The following ZFHX3 variants were observed in gnomAD, a reference collection of about 807,000 sequenced individuals.
ZFHX3 encodes the protein zinc finger homeobox protein 3.
A neutral mutation model predicts 279.1 loss-of-function variants in ZFHX3; 42 were observed. The observed-to-expected ratio is 0.15, with a 90% CI of 0.12 to 0.19. The LOEUF (loss-of-function observed/expected upper bound fraction) is 0.19, where lower values mean the gene tolerates loss of function less well. Among genes scored for constraint, ZFHX3 ranks in the 10% least tolerant of loss-of-function variants. The pLI, the probability that ZFHX3 is intolerant of heterozygous loss-of-function variation, is 1.00. For missense variants in ZFHX3, 4,981 were observed against 4,754.0 expected (o/e 1.05, Z -1.40); for synonymous variants, 2,293 against 1,957.8 (o/e 1.17, Z -4.52).
chr16:73,175,586 G>A (rs561669360), intron 5 of ZFHX3, among the ~76,000 whole-genome samples: 11 of 152,170 alleles, frequency 7.2e-5, no homozygotes, highest in Non-Finnish European at 1.3e-4. Context: ...CTAGACCAGG[G>A]TCTGGCCATG....
intron 2 of ZFHX3, among the ~76,000 whole-genome samples, chr16:72,956,838 A>G (rs1353018081): frequency 6.6e-6 from 1 of 151,890 alleles, no homozygotes; most frequent in Non-Finnish European, 1.5e-5. Flanking sequence ...AAGCAAAAAA[A>G]AAAACATCTC....
intron 1 of ZFHX3, among the ~76,000 whole-genome samples, chr16:73,878,450 CACA>C (rs771674058): frequency 1.3e-5 from 2 of 152,210 alleles, no homozygotes; most frequent in East Asian, 1.9e-4. Context: ...GCCTTCTCTT[CACA>C]ACGACACTAA....
chr16:72,950,598 G>A lies in ZFHX3; in HGVS notation c.3087C>T (p.Leu1029=), dbSNP rs549383633. The change falls in exon 3 of 10, where the codon CTC becomes CTT. Residue 1029 remains leucine (L), a synonymous_variant. Transcript: ENST00000268489. The part of the protein sequence containing the change: ...KEGGKANEWR[L]KCVAIGNPVH... ...CGGGGTTGCCGATGGCCACACACTTGAGCCTCCACTCGTTGGCCTTGCCGC... is the reference window on the plus strand; with the variant it reads ...CGGGGTTGCCGATGGCCACACACTTAAGCCTCCACTCGTTGGCCTTGCCGC... The A allele has an allele frequency of 1.9e-6, 3 of 1,614,200 alleles. No homozygotes were observed. Among genetic ancestry groups the A allele is most frequent in the African/African-American group, 2.7e-5 (2 of 75,044 alleles).
intron 1 of ZFHX3, among the ~76,000 whole-genome samples, chr16:73,749,718 C>T (rs927788248): frequency 3.3e-5 from 5 of 152,162 alleles, no homozygotes; most frequent in Non-Finnish European, 7.4e-5. Context: ...TGGAATGCAT[C>T]ACAAACTGCA....
intron 1 of ZFHX3, among the ~76,000 whole-genome samples, chr16:73,697,141 T>C (rs1234187100): frequency 6.6e-6 from 1 of 151,984 alleles, no homozygotes; most frequent in African/African-American, 2.4e-5. Flanking sequence ...CCAATTCTGA[T>C]ATCACTTATT....
At chr16:73,868,115 G>C (rs573969580) in intron 1 of ZFHX3, among the ~76,000 whole-genome samples, 306 of 152,202 alleles carry the variant, frequency 2.0e-3, no homozygotes, top group African/African-American at 7.0e-3. Flanking sequence ...ATCCCCGTTC[G>C]TTAAATAGCC....
At chr16:73,142,594 T>C (rs921727982) in intron 6 of ZFHX3, among the ~76,000 whole-genome samples, 1 of 152,230 alleles carries the variant, frequency 6.6e-6, no homozygotes, top group African/African-American at 2.4e-5. Context: ...AGATACATTG[T>C]GTTTTTAAAA....
intron 3 of ZFHX3, among the ~76,000 whole-genome samples, chr16:73,421,607 A>G (rs1227814905): frequency 6.6e-6 from 1 of 152,198 alleles, no homozygotes; most frequent in East Asian, 1.9e-4. Flanking sequence ...AATCAACAGA[A>G]AAAAAAGACA....
chr16:73,638,949 T>C (rs1567539620), intron 2 of ZFHX3, among the ~76,000 whole-genome samples: 1 of 152,142 alleles, frequency 6.6e-6, no homozygotes, highest in African/African-American at 2.4e-5. Context: ...CATTGAGACC[T>C]ACTGAAAAGA....
chr16:73,521,984 C>T (rs1428459727), intron 2 of ZFHX3, among the ~76,000 whole-genome samples: 1 of 151,988 alleles, frequency 6.6e-6, no homozygotes, highest in Non-Finnish European at 1.5e-5. Context: ...TTCCCTTTTG[C>T]CAAAAAAATA....
At chr16:73,593,116 T>C (rs2052015776) in intron 2 of ZFHX3, among the ~76,000 whole-genome samples, 1 of 151,590 alleles carries the variant, frequency 6.6e-6, no homozygotes, top group Non-Finnish European at 1.5e-5. Context: ...TAAAAACCAG[T>C]TGAATCAGTA....
rs2035946614 is a variant in ZFHX3, at chr16:72,797,404, G to C, written c.5278C>G (p.Leu1760Val). ...TGGATCAGGGCAGCCTGTTGCTGCA[G>C]CTCCTGCTGCAGGTGAGCTTGAACT... ...AQVQAHLQQE[L>V]QQQAALIQSQ... The change falls in exon 9 of 10, where the codon CTG becomes GTG. Residue 1760 changes from leucine (L) to valine (V), a missense_variant. By Grantham distance (32) the Leu-to-Val change is conservative (BLOSUM62 1). Around this residue, in one of 7 missense-constraint regions of ZFHX3, gnomAD observed 1,751 missense variants for 1,770.0 expected, o/e 0.99. Coordinates refer to ENST00000268489, the MANE Select transcript of ZFHX3 (RefSeq NM_006885.4). 3.1e-6 allele frequency: 5 copies of C among 1,610,782 alleles called. No individual in the cohort carries two copies. Among genetic ancestry groups the C allele is most frequent in the Non-Finnish European group, 4.2e-6 (5 of 1,178,582 alleles).
intron 1 of ZFHX3, among the ~76,000 whole-genome samples, chr16:73,851,346 G>T (rs1961589729): frequency 1.3e-5 from 2 of 152,102 alleles, no homozygotes; most frequent in South Asian, 4.2e-4. Flanking sequence ...ATAGAAAGAG[G>T]GATCCCAACA....
intron 4 of ZFHX3, among the ~76,000 whole-genome samples, chr16:72,878,671 A>G (rs573825445): frequency 6.6e-6 from 1 of 152,282 alleles, no homozygotes; most frequent in African/African-American, 2.4e-5. Context: ...GACACAAAGA[A>G]TCCCACCCCT....
intron 5 of ZFHX3, among the ~76,000 whole-genome samples, chr16:72,815,188 G>A (rs901504050): frequency 1.3e-5 from 2 of 152,030 alleles, no homozygotes; most frequent in Admixed American, 1.3e-4. Context: ...TGGGCAGATC[G>A]CTTGAGCCCA....
intron 3 of ZFHX3, chr16:73,400,777 T>C (rs931183660): frequency 5.9e-5 from 9 of 152,178 alleles, no homozygotes; most frequent in Non-Finnish European, 1.2e-4. Flanking sequence ...GTCATCTTTG[T>C]TGTCCTTAAA....
chr16:73,802,163 T>A (rs1271125075), intron 1 of ZFHX3, among the ~76,000 whole-genome samples: 1 of 138,942 alleles, frequency 7.2e-6, no homozygotes, highest in African/African-American at 2.9e-5. Context: ...AATGTGTGAC[T>A]TTTTTTTTTA....
chr16:73,775,843 C>T (rs1265027424), intron 1 of ZFHX3, among the ~76,000 whole-genome samples: 1 of 152,096 alleles, frequency 6.6e-6, no homozygotes, highest in Non-Finnish European at 1.5e-5. Context: ...CCCAGTAGAA[C>T]CCTGCTCCTC....
At chr16:73,316,514 T>C (rs1017142670) in intron 4 of ZFHX3, among the ~76,000 whole-genome samples, 10 of 152,332 alleles carry the variant, frequency 6.6e-5, no homozygotes, top group African/African-American at 2.4e-4. Flanking sequence ...TCTCTACCAT[T>C]CAACCTAATA....
Sources: gnomAD v4.1 joint callset for allele counts (sites outside exome capture counted in the v4.1 genomes callset) on GRCh38, gnomAD v4.1.1 for gene constraint, gnomAD v4.1.1 regional missense constraint, MANE v1.5 for transcripts, NCBI Gene and HGNC (gene_info 2026-07-23, HGNC 2026-07-21) for gene names.